The following EP400 variants were observed in gnomAD, a reference collection of about 807,000 sequenced individuals.
EP400 encodes E1A-binding protein p400.
Under a neutral mutation model 354.1 loss-of-function variants are expected in EP400, and 105 were observed. The observed-to-expected ratio is 0.30, with a 90% CI of 0.25 to 0.35. The LOEUF is 0.35. Ranked by LOEUF, EP400 falls within the 10% of genes least tolerant of loss-of-function variation. The pLI, the probability that EP400 is intolerant of heterozygous loss-of-function variation, is 1.00. For synonymous variants in EP400, 1,646 were observed against 1,716.9 expected (o/e 0.96, Z 1.02); for missense variants, 3,280 against 4,121.0 (o/e 0.80, Z 5.59).
intron 1 of EP400, among the ~76,000 whole-genome samples, chr12:131,957,463 T>G (rs1282957829): frequency 6.6e-6 from 1 of 151,488 alleles, no homozygotes; most frequent in Non-Finnish European, 1.5e-5. Flanking sequence ...GGTTTTTTAA[T>G]GTTTTGGTTT....
chr12:131,960,707 G>GCGCCCCCCCC lies in EP400; in HGVS notation c.89_90insGCCCCCCCCC (p.His31ProfsTer37). 1 of 1,545,590 alleles carries GCGCCCCCCCC rather than the reference G, an allele frequency of 6.5e-7. No homozygotes were observed. Among genetic ancestry groups the GCGCCCCCCCC allele is most frequent in the Non-Finnish European group, 8.7e-7 (1 of 1,146,246 alleles). On this transcript the variant is annotated frameshift_variant, in exon 2 of 53. Coordinates refer to ENST00000389561, the MANE Select transcript of EP400 (RefSeq NM_015409.5). LOFTEE classifies it high-confidence loss of function. ...TGGCAGCGAGGGTGAGGAGCAGCCG[G>GCGCCCCCCCC]CCCACCCCAACCCACCCCCGTCCCC...
Position 132,023,893 on chromosome 12 carries a change from C to T in EP400, c.4807C>T (p.His1603Tyr), listed in dbSNP as rs1162730559. ...QFQGSKFTLS[H>Y]SQLRQLTAGQ... Reference sequence around the variant, plus strand: ...CCAGGGCAGCAAGTTCACCCTGTCACACAGCCAGCTCCGGCAGCTCACAGC... The same window carrying T: ...CCAGGGCAGCAAGTTCACCCTGTCATACAGCCAGCTCCGGCAGCTCACAGC... The change falls in exon 24 of 53, where the codon CAC becomes TAC. Residue 1603 changes from histidine to tyrosine, a missense_variant. His to Tyr is a moderately conservative substitution (Grantham distance 83). This residue lies in a region of EP400 where 25 missense variants were observed against 51.2 expected (regional missense o/e 0.49). Transcript: ENST00000389561. 1.2e-6 allele frequency: 2 copies of T among 1,612,800 alleles called. No homozygotes were observed. The highest frequency in any genetic ancestry group is 2.2e-5 in the South Asian group (2 of 90,924).
Position 132,064,898 on chromosome 12 carries a change from T to C in EP400, c.8553+12T>C, listed in dbSNP as rs1459401324. On this transcript the variant is annotated intron_variant, in intron 48 of 52. Transcript: ENST00000389561. ...AGGTGGCCCGGCTCGTAAGTGTCAGTTTCTGTTTGTTTTCCAAAAGCAGCA... is the reference window on the plus strand; with the variant it reads ...AGGTGGCCCGGCTCGTAAGTGTCAGCTTCTGTTTGTTTTCCAAAAGCAGCA... 1 of 1,589,166 alleles carries C rather than the reference T, an allele frequency of 6.3e-7. No individual in the cohort carries two copies. Among genetic ancestry groups the C allele is most frequent in the East Asian group, 2.3e-5 (1 of 44,076 alleles).
At chr12:132,022,762 T>A (rs1397001920) in intron 23 of EP400, among the ~76,000 whole-genome samples, 2 of 152,122 alleles carry the variant, frequency 1.3e-5, no homozygotes, top group Non-Finnish European at 2.9e-5. Flanking sequence ...TGTATGTGAT[T>A]TCTTTATGTA....
chr12:132,025,352 G>A lies in EP400; in HGVS notation c.4856-294G>A, dbSNP rs1466835200. On this transcript the variant is annotated intron_variant, in intron 24 of 52. Coordinates refer to ENST00000389561, the MANE Select transcript of EP400 (RefSeq NM_015409.5). The surrounding 1 kb of genome is among the most constrained non-coding windows in gnomAD (Gnocchi z 4.1). Reference sequence around the variant, plus strand: ...GTGGGGATGTCCGCCTCAGTACCTCGAACAGCATGGCAGGTCCTCAGCAGC... The same window carrying A: ...GTGGGGATGTCCGCCTCAGTACCTCAAACAGCATGGCAGGTCCTCAGCAGC... Among the ~76,000 whole-genome samples, 1 of 152,096 alleles carries A rather than the reference G, an allele frequency of 6.6e-6. No homozygotes were observed. The highest frequency in any genetic ancestry group is 1.5e-5 in the Non-Finnish European group (1 of 68,032).
rs1003128260 is a variant in EP400 at position 131,994,408 on chromosome 12, G to A, written c.2738-459G>A. 1.3e-5 allele frequency among the ~76,000 whole-genome samples: 2 copies of A among 152,150 alleles called. No individual in the cohort carries two copies. The highest frequency in any genetic ancestry group is 4.8e-5 in the African/African-American group (2 of 41,440). On this transcript the variant is annotated intron_variant, in intron 11 of 52. Coordinates refer to ENST00000389561, the MANE Select transcript of EP400 (RefSeq NM_015409.5). This position sits in a 1 kb window ranked among gnomAD's most constrained non-coding sequence, Gnocchi z 4.6. ...AGCCAAGATCTCTATGGCGAGTGAG[G>A]CGTGAGGTTCAGGGCTGGAGGGCTG...
chr12:132,075,399 CCTGA>C lies in EP400; in HGVS notation c.9022-1114_9022-1111del, dbSNP rs1319362606. ...TGCTTAGGTTTGGAGACTGGCAGTT[CCTGA>C]CTCTTTGCAGGTTTCTTGGTACATT... On this transcript the variant is annotated intron_variant, in intron 51 of 52. Coordinates refer to ENST00000389561, the MANE Select transcript of EP400 (RefSeq NM_015409.5). This position sits in a 1 kb window ranked among gnomAD's most constrained non-coding sequence, Gnocchi z 4.5. Among the ~76,000 whole-genome samples the C allele has an allele frequency of 6.6e-6, 1 of 152,136 alleles. No homozygotes were observed. Among genetic ancestry groups the C allele is most frequent in the Non-Finnish European group, 1.5e-5 (1 of 68,028 alleles).
chr12:131,992,534 G>T (rs1198954679), intron 11 of EP400, among the ~76,000 whole-genome samples: 1 of 152,184 alleles, frequency 6.6e-6, no homozygotes, highest in Non-Finnish European at 1.5e-5. Context: ...TCCTTGAGAG[G>T]TGGCCCTGGT....
intron 2 of EP400, among the ~76,000 whole-genome samples, chr12:131,966,124 A>C (rs945222862): frequency 6.6e-6 from 1 of 152,030 alleles, no homozygotes; most frequent in Non-Finnish European, 1.5e-5. Flanking sequence ...GTGCAGTGGC[A>C]CACACCTGTA....
At chr12:131,965,861 C>T (rs997767697) in intron 2 of EP400, among the ~76,000 whole-genome samples, 3 of 152,146 alleles carry the variant, frequency 2.0e-5, no homozygotes, top group South Asian at 2.1e-4. Context: ...TATCCATTTA[C>T]CCTTTAAAGA....
In EP400 at chr12:132,029,899, C is replaced by T. The variant is rs1393487999; in HGVS notation, c.5580C>T (p.Asp1860=). 2 of 1,612,328 alleles carry T rather than the reference C, an allele frequency of 1.2e-6. No homozygotes were observed. The highest frequency in any genetic ancestry group is 1.7e-4 in the Middle Eastern group (1 of 6,028). The change falls in exon 28 of 53, where the codon GAC becomes GAT. Residue 1860 remains aspartate (D), a synonymous_variant. Transcript: ENST00000389561. This position sits in a 1 kb window ranked among gnomAD's most constrained non-coding sequence, Gnocchi z 4.7. The stretch of plus-strand genomic sequence containing the variant: ...CTGAGCTGAGGCTGGTGCAGTTCGA[C>T]TCAGGTATGCGGCAGTTGGGGGCGT... ...QFPELRLVQF[D]SGKLEALAIL...
intron 10 of EP400, 75 bp downstream of exon 10, chr12:131,991,531 T>C: frequency 1.5e-6 from 2 of 1,339,992 alleles, no homozygotes; most frequent in Non-Finnish European, 2.1e-6. Context: ...TTTTCATTCT[T>C]ATCCAGAGGA....
At chr12:131,966,114 G>A (rs1345721680) in intron 2 of EP400, among the ~76,000 whole-genome samples, 1 of 152,156 alleles carries the variant, frequency 6.6e-6, no homozygotes, top group Non-Finnish European at 1.5e-5. Context: ...GTCCGGCCGG[G>A]TGCAGTGGCA....
rs1295346081 is a variant in EP400, at chr12:132,021,255, G to A, written c.4624G>A (p.Ala1542Thr). 7 of 1,541,494 alleles carry A rather than the reference G, an allele frequency of 4.5e-6. No homozygotes were observed. The highest frequency in any genetic ancestry group is 3.6e-5 in the South Asian group (3 of 84,432). ...PPPQPQAPSH[A>T]AGQSALPQRL... ...GCCCCAGCCCCAGGCCCCCTCGCAC[G>A]CGGCCGGGCAGAGCGCGCTGCCTCA... Residue 1542 changes from alanine to threonine, a missense_variant, in exon 23 of 53, where the codon GCG (alanine) becomes ACG (threonine). By Grantham distance (58) the Ala-to-Thr change is moderately conservative. Around this residue, in one of 20 missense-constraint regions of EP400, gnomAD observed 342 missense variants for 342.7 expected, o/e 1.00. Transcript: ENST00000389561.
In EP400 at chr12:132,038,213, T is replaced by C. The variant is rs1894779255; in HGVS notation, c.6207+117T>C. On this transcript the variant is annotated intron_variant, in intron 32 of 52. Coordinates refer to ENST00000389561, the MANE Select transcript of EP400 (RefSeq NM_015409.5). The surrounding 1 kb of genome is among the most constrained non-coding windows in gnomAD (Gnocchi z 4.2). ...CACTCTTCCCTGGCCTGAAGCCCTC[T>C]TCCCGTCCCTGCTTTTGGAACCTCC... The C allele has an allele frequency of 7.5e-7, 1 of 1,325,956 alleles. No individual in the cohort carries two copies. The highest frequency in any genetic ancestry group is 1.5e-5 in the African/African-American group (1 of 67,988). 82.1% of individuals were successfully genotyped at this position (1,325,956 alleles called of 1,614,324 possible). A position where few individuals can be genotyped will look rare whatever the true frequency, so the allele number is the denominator to read the frequency against.
At position 132,045,868 on chromosome 12, in the gene EP400, G is replaced by C. The variant is rs770760934; in HGVS notation, c.7168G>C (p.Glu2390Gln). The C allele has an allele frequency of 6.2e-7, 1 of 1,614,184 alleles. No individual in the cohort carries two copies. Among genetic ancestry groups the C allele is most frequent in the Admixed American group, 1.7e-5 (1 of 60,022 alleles). ...TTCCAAACAGTGCCGGAATCGCTAC[G>C]AGAATGTCATCATTCCACGAGAGGA... ...RSSKQCRNRYENVIIPREEGK... is the reference protein window; with the variant it reads ...RSSKQCRNRYQNVIIPREEGK... Residue 2390 changes from glutamate to glutamine, a missense_variant, in exon 39 of 53, where the codon GAG becomes CAG. Transcript: ENST00000389561.
chr12:132,027,526 A>G lies in EP400; in HGVS notation c.5104A>G (p.Thr1702Ala), dbSNP rs750189470. Residue 1702 changes from threonine to alanine, a missense_variant, in exon 26 of 53, where the codon ACC becomes GCC. Thr to Ala is a moderately conservative substitution (Grantham distance 58, BLOSUM62 0). Coordinates refer to ENST00000389561, the MANE Select transcript of EP400 (RefSeq NM_015409.5). This position sits in a 1 kb window ranked among gnomAD's most constrained non-coding sequence, Gnocchi z 4.9. ...ACCAGCTTCTCCCATTGGAGGGCCGACCCAGGTAAGCACCTGAGCTTGAGA... is the reference window on the plus strand; with the variant it reads ...ACCAGCTTCTCCCATTGGAGGGCCGGCCCAGGTAAGCACCTGAGCTTGAGA... ...SKPASPIGGP[T>A]QEEKTRLLKE... The G allele has an allele frequency of 2.5e-6, 4 of 1,611,386 alleles. No homozygotes were observed. In the South Asian group the frequency reaches 3.3e-5, roughly 13 times the overall value.
chr12:132,040,568 C>G (rs1037520524), intron 32 of EP400, among the ~76,000 whole-genome samples: 1 of 152,166 alleles, frequency 6.6e-6, no homozygotes, highest in African/African-American at 2.4e-5. Flanking sequence ...TGTTGATTGT[C>G]TTACTGTGTG....
At chr12:132,031,398 T>C in intron 29 of EP400, 1 of 518,964 alleles carries the variant, frequency 1.9e-6, no homozygotes, top group Non-Finnish European at 3.8e-6. Flanking sequence ...TTCTTGTCAC[T>C]CATGGCTGAT....
Sources: gnomAD v4.1 joint callset for allele counts (sites outside exome capture counted in the v4.1 genomes callset) on GRCh38, gnomAD v4.1.1 for gene constraint, gnomAD v4.1.1 regional missense constraint, Gnocchi (gnomAD v3.1) non-coding constraint, MANE v1.5 for transcripts, NCBI Gene and HGNC (gene_info 2026-07-23, HGNC 2026-07-21) for gene names.